Variants in CACNB4 observed in about 807,000 individuals in gnomAD.
CACNB4 encodes calcium voltage-gated channel auxiliary subunit beta 4, also known as voltage-dependent L-type calcium channel subunit beta-4.
In CACNB4, 32 loss-of-function variants were observed where a neutral mutation model predicts 71.2. The observed-to-expected ratio is 0.45, with a 90% CI of 0.34 to 0.60. The LOEUF (loss-of-function observed/expected upper bound fraction) is 0.60, where lower values mean the gene tolerates loss of function less well. CACNB4 is among the 20% of genes least tolerant of loss of function. CACNB4 has a pLI of 0.01. For missense variants in CACNB4, 464 were observed against 647.9 expected (o/e 0.72, Z 3.08); for synonymous variants, 231 against 236.9 (o/e 0.97, Z 0.23).
chr2:151,939,345 G>A (rs1299861321), intron 2 of CACNB4, among the ~76,000 whole-genome samples: 1 of 152,210 alleles, frequency 6.6e-6, no homozygotes. Flanking sequence ...ACAGGAAGAT[G>A]TTCAAAGAGC....
In CACNB4 at chr2:151,860,823, A is replaced by T; in HGVS notation, c.759-3T>A. 3.8e-6 allele frequency: 6 copies of T among 1,581,240 alleles called. No homozygotes were observed. The highest frequency in any genetic ancestry group is 4.3e-6 in the Non-Finnish European group (5 of 1,150,178). ...CTGTCACTCTCGTTATTGAAATCCTATGAATAGGAACACAGAACAGAACAA... is the reference window on the plus strand; with the variant it reads ...CTGTCACTCTCGTTATTGAAATCCTTTGAATAGGAACACAGAACAGAACAA... On this transcript the variant is annotated splice_region_variant and splice_polypyrimidine_tract_variant and intron_variant, in intron 9 of 13. Coordinates refer to ENST00000539935, the MANE Select transcript of CACNB4 (RefSeq NM_000726.5).
intron 2 of CACNB4, among the ~76,000 whole-genome samples, chr2:151,984,991 C>T (rs1296977823): frequency 6.6e-6 from 1 of 152,094 alleles, no homozygotes; most frequent in Non-Finnish European, 1.5e-5. Flanking sequence ...ATCGATTCCC[C>T]AATTTATGAG....
At chr2:151,976,251 C>T (rs985881831) in intron 2 of CACNB4, among the ~76,000 whole-genome samples, 3 of 152,224 alleles carry the variant, frequency 2.0e-5, no homozygotes, top group Admixed American at 1.3e-4. Flanking sequence ...GAATCATAAA[C>T]TGTAAGAGGT....
At chr2:151,922,913 A>C (rs1446940605) in intron 2 of CACNB4, among the ~76,000 whole-genome samples, 1 of 152,248 alleles carries the variant, frequency 6.6e-6, no homozygotes, top group Non-Finnish European at 1.5e-5. Context: ...CTACTGCAAA[A>C]GAACCTCAAG....
chr2:151,870,398 C>G, intron 8 of CACNB4, 133 bp downstream of exon 8: 1 of 747,408 alleles, frequency 1.3e-6, no homozygotes, highest in Non-Finnish European at 2.4e-6. Flanking sequence ...ACACGGTACC[C>G]CCTGCCTTCC....
intron 2 of CACNB4, among the ~76,000 whole-genome samples, chr2:152,053,734 G>C (rs1403827042): frequency 6.6e-6 from 1 of 151,908 alleles, no homozygotes; most frequent in Non-Finnish European, 1.5e-5. Context: ...ATGTTGCCCA[G>C]GCCTGTCTCC....
chr2:151,953,318 C>T (rs960468740), intron 2 of CACNB4, among the ~76,000 whole-genome samples: 5 of 152,138 alleles, frequency 3.3e-5, no homozygotes, highest in African/African-American at 4.8e-5. Context: ...CATCCTTACT[C>T]GTGTGCCCGT....
chr2:151,833,167 G>T lies in CACNB4; in HGVS notation c.*5952C>A, dbSNP rs899161092. On this transcript the variant is annotated 3_prime_UTR_variant, in exon 14 of 14. Coordinates refer to ENST00000539935, the MANE Select transcript of CACNB4 (RefSeq NM_000726.5). The stretch of plus-strand genomic sequence containing the variant: ...CAATGGAGATATAGCAATAGCCTGG[G>T]ATTTCAACAGCCCTCAGAATAGTAG... The T allele has an allele frequency of 3.3e-5, 5 of 152,072 alleles. No individual in the cohort carries two copies. Among genetic ancestry groups the T allele is most frequent in the African/African-American group, 1.2e-4 (5 of 41,440 alleles). 9.4% of individuals were successfully genotyped at this position (152,072 alleles called of 1,614,324 possible). A position where few individuals can be genotyped will look rare whatever the true frequency, so the allele number is the denominator to read the frequency against.
At chr2:151,909,598 G>C (rs936384346) in intron 2 of CACNB4, among the ~76,000 whole-genome samples, 2 of 152,046 alleles carry the variant, frequency 1.3e-5, no homozygotes, top group East Asian at 3.9e-4. Flanking sequence ...GGCCCTGTGT[G>C]TGTTGTTCCC....
At chr2:152,056,401 G>A (rs1054840760) in intron 2 of CACNB4, among the ~76,000 whole-genome samples, 10 of 151,130 alleles carry the variant, frequency 6.6e-5, no homozygotes, top group African/African-American at 1.5e-4. Context: ...CAGAAATATC[G>A]TGTCCCCAAA....
chr2:151,917,834 C>CAG (rs2099857919), intron 2 of CACNB4, among the ~76,000 whole-genome samples: 1 of 116,244 alleles, frequency 8.6e-6, no homozygotes, highest in Non-Finnish European at 1.7e-5. Flanking sequence ...GACACTGTCT[C>CAG]AAAAAAAAAA....
At chr2:151,976,403 A>G (rs2099873811) in intron 2 of CACNB4, among the ~76,000 whole-genome samples, 2 of 152,332 alleles carry the variant, frequency 1.3e-5, no homozygotes, top group South Asian at 4.1e-4. Context: ...GAGGGGCAGT[A>G]GGCGTGTTCC....
intron 2 of CACNB4, among the ~76,000 whole-genome samples, chr2:151,917,933 A>T (rs1362895548): frequency 1.3e-5 from 2 of 152,000 alleles, no homozygotes; most frequent in Non-Finnish European, 2.9e-5. Context: ...CTAGAAAGGC[A>T]TTAAAGAGAA....
chr2:151,914,663 T>G (rs934747927), intron 2 of CACNB4, among the ~76,000 whole-genome samples: 3 of 152,198 alleles, frequency 2.0e-5, no homozygotes, highest in Non-Finnish European at 4.4e-5. Flanking sequence ...TGTGGGGGCC[T>G]TTTGTTGTTG....
intron 2 of CACNB4, among the ~76,000 whole-genome samples, chr2:151,886,410 T>A (rs1221376989): frequency 1.3e-5 from 2 of 152,206 alleles, no homozygotes; most frequent in Non-Finnish European, 2.9e-5. Flanking sequence ...ACAGCTGATT[T>A]CCTGAAAGTA....
intron 2 of CACNB4, among the ~76,000 whole-genome samples, chr2:152,022,039 A>G (rs940042449): frequency 1.4e-4 from 21 of 152,226 alleles, no homozygotes; most frequent in Non-Finnish European, 2.2e-4. Context: ...ACATTTACAG[A>G]TAAGTTCCTT....
At chr2:151,974,538 A>G (rs1396725768) in intron 2 of CACNB4, among the ~76,000 whole-genome samples, 2 of 152,236 alleles carry the variant, frequency 1.3e-5, no homozygotes, top group African/African-American at 4.8e-5. Flanking sequence ...AAACTTCTCA[A>G]CTTTTAGATG....
chr2:151,883,542 T>C (rs764929874), intron 2 of CACNB4, 172 bp from the exon 3 acceptor site: 188 of 654,984 alleles, frequency 2.9e-4, no homozygotes, highest in Admixed American at 7.6e-4. Flanking sequence ...GCATCTGAGT[T>C]ATTCGGAAAG....
At chr2:151,870,670 C>T (rs2099844397) in intron 7 of CACNB4, 59 bp from the exon 8 acceptor site, 3 of 1,371,362 alleles carry the variant, frequency 2.2e-6, no homozygotes, top group Non-Finnish European at 2.1e-6. Context: ...TCTCCACAGC[C>T]ACAACATTCA....
Sources: allele counts gnomAD v4.1 joint callset (sites outside exome capture counted in the v4.1 genomes callset), GRCh38; gene constraint gnomAD v4.1.1; transcripts MANE v1.5; gene names NCBI Gene and HGNC (gene_info 2026-07-23, HGNC 2026-07-21).